Variants in THSD7B observed in about 807,000 individuals in gnomAD.
The protein encoded by THSD7B is thrombospondin type 1 domain containing 7B.
In THSD7B, 138 loss-of-function variants were observed where a neutral mutation model predicts 213.6. The observed-to-expected ratio is 0.65, with a 90% CI of 0.56 to 0.74. The LOEUF (loss-of-function observed/expected upper bound fraction) is 0.74, where lower values mean the gene tolerates loss of function less well. Ranked by LOEUF, THSD7B falls within the 30% of genes least tolerant of loss-of-function variation. THSD7B has a pLI of 0.00. For missense variants in THSD7B, 1,931 were observed against 1,991.5 expected (o/e 0.97, Z 0.58); for synonymous variants, 742 against 687.0 (o/e 1.08, Z -1.25).
intron 3 of THSD7B, among the ~76,000 whole-genome samples, chr2:137,078,213 G>C (rs986987213): frequency 1.3e-5 from 2 of 152,162 alleles, no homozygotes; most frequent in East Asian, 3.9e-4. Flanking sequence ...GTTCCATGCT[G>C]TTTTGCTTAC....
chr2:137,350,431 T>C (rs1299085759), intron 12 of THSD7B, among the ~76,000 whole-genome samples: 1 of 151,788 alleles, frequency 6.6e-6, no homozygotes, highest in Non-Finnish European at 1.5e-5. Flanking sequence ...ATAGAACCGT[T>C]GTGGTTAAAC....
chr2:136,909,394 A>C (rs917414832), intron 2 of THSD7B, among the ~76,000 whole-genome samples: 2 of 151,662 alleles, frequency 1.3e-5, no homozygotes, highest in African/African-American at 2.4e-5. Context: ...CCTTTATCCA[A>C]AGATAAAGTA....
chr2:137,623,177 T>C (rs1682554949), intron 20 of THSD7B, among the ~76,000 whole-genome samples: 1 of 152,138 alleles, frequency 6.6e-6, no homozygotes, highest in African/African-American at 2.4e-5. Flanking sequence ...GTTCAACATA[T>C]GCGAATCAAT....
intron 12 of THSD7B, among the ~76,000 whole-genome samples, chr2:137,386,558 G>T (rs1395521698): frequency 6.6e-6 from 1 of 152,100 alleles, no homozygotes; most frequent in Non-Finnish European, 1.5e-5. Flanking sequence ...TTAACTATTA[G>T]AGTTGAACTC....
intron 7 of THSD7B, among the ~76,000 whole-genome samples, chr2:137,220,786 C>T (rs1681349890): frequency 9.2e-6 from 1 of 108,394 alleles, no homozygotes; most frequent in Admixed American, 8.6e-5. Flanking sequence ...AGTCTTTAAG[C>T]AGGAGAATGA....
At chr2:137,073,759 T>C (rs1185983356) in intron 3 of THSD7B, among the ~76,000 whole-genome samples, 2 of 152,324 alleles carry the variant, frequency 1.3e-5, no homozygotes, top group East Asian at 3.9e-4. Flanking sequence ...GCTTTGAATG[T>C]GTCCCAGAGA....
chr2:137,222,414 A>G (rs181336868), intron 7 of THSD7B, among the ~76,000 whole-genome samples: 46 of 152,322 alleles, frequency 3.0e-4, no homozygotes, highest in Admixed American at 2.9e-3. Flanking sequence ...AACATTTCCT[A>G]CATTACAGAG....
At chr2:137,091,477 G>C (rs1687947256) in intron 3 of THSD7B, among the ~76,000 whole-genome samples, 1 of 149,536 alleles carries the variant, frequency 6.7e-6, no homozygotes, top group Non-Finnish European at 1.5e-5. Context: ...AAACTTGCTG[G>C]GTCAAACAAC....
chr2:136,986,925 GT>G (rs1333404204), intron 2 of THSD7B, among the ~76,000 whole-genome samples: 1 of 152,192 alleles, frequency 6.6e-6, no homozygotes, highest in East Asian at 1.9e-4. Flanking sequence ...TGTCTAGTGA[GT>G]TTCGGGAATA....
Position 137,512,153 on chromosome 2 carries a change from A to T in THSD7B, c.3139-51068A>T, listed in dbSNP as rs1679974180. On this transcript the variant is annotated intron_variant, in intron 15 of 27. Transcript: ENST00000409968. ...CCCATCCAAGTACTAACTAGGCCCA[A>T]CCCTACTTAGCTTCCAAGATTAGAT... is the stretch of plus-strand genomic sequence containing the variant. 2.0e-5 allele frequency: 3 copies of T among 152,064 alleles called. 1 individual carries two copies. The South Asian group carries it at 6.2e-4, about 32-fold the overall frequency. The allele number at this position is 152,064 out of a possible 1,614,324, so 9.4% of individuals were successfully genotyped here.
intron 15 of THSD7B, among the ~76,000 whole-genome samples, chr2:137,503,360 G>T (rs1376761241): frequency 6.6e-6 from 1 of 152,116 alleles, no homozygotes; most frequent in Non-Finnish European, 1.5e-5. Context: ...TGCCGCCACT[G>T]TTGCCCTAGA....
intron 12 of THSD7B, among the ~76,000 whole-genome samples, chr2:137,334,049 A>G (rs1227978940): frequency 2.6e-5 from 4 of 152,206 alleles, no homozygotes; most frequent in Non-Finnish European, 5.9e-5. Context: ...GAAAACAACC[A>G]TAGACAATAT....
At chr2:137,218,496 A>G (rs908116415) in intron 7 of THSD7B, among the ~76,000 whole-genome samples, 1 of 151,836 alleles carries the variant, frequency 6.6e-6, no homozygotes, top group Non-Finnish European at 1.5e-5. Context: ...GAGTGTTGTA[A>G]TAACTGGTAG....
chr2:137,030,492 T>C (rs1686644537), intron 2 of THSD7B, among the ~76,000 whole-genome samples: 1 of 151,940 alleles, frequency 6.6e-6, no homozygotes, highest in South Asian at 2.1e-4. Context: ...ACAGACACTT[T>C]AACGTTGCCA....
At chr2:137,546,784 A>G (rs1680749931) in intron 15 of THSD7B, among the ~76,000 whole-genome samples, 1 of 151,524 alleles carries the variant, frequency 6.6e-6, no homozygotes, top group African/African-American at 2.4e-5. Flanking sequence ...ATTCAGTAAC[A>G]CATTTTGTGG....
intron 2 of THSD7B, among the ~76,000 whole-genome samples, chr2:136,903,355 G>A (rs1205058921): frequency 1.3e-5 from 2 of 152,126 alleles, no homozygotes; most frequent in East Asian, 1.9e-4. Context: ...GAGGTTATAA[G>A]GAGATAACAT....
At chr2:136,898,341 C>A (rs1263010422) in intron 2 of THSD7B, among the ~76,000 whole-genome samples, 7 of 152,086 alleles carry the variant, frequency 4.6e-5, no homozygotes, top group African/African-American at 1.7e-4. Flanking sequence ...GTTTTGACTT[C>A]TAAGACAAAG....
chr2:136,823,165 G>T (rs1054680424), intron 1 of THSD7B, among the ~76,000 whole-genome samples: 1 of 152,070 alleles, frequency 6.6e-6, no homozygotes, highest in Non-Finnish European at 1.5e-5. Flanking sequence ...GGATATCCTT[G>T]TGTAAGGTGA....
intron 7 of THSD7B, among the ~76,000 whole-genome samples, chr2:137,192,004 A>G (rs1389485578): frequency 1.3e-5 from 2 of 152,168 alleles, no homozygotes; most frequent in African/African-American, 4.8e-5. Context: ...TGAATATACC[A>G]ATAACTGAAT....
Sources: gnomAD v4.1 joint callset for allele counts (sites outside exome capture counted in the v4.1 genomes callset) on GRCh38, gnomAD v4.1.1 for gene constraint, MANE v1.5 for transcripts, NCBI Gene and HGNC (gene_info 2026-07-23, HGNC 2026-07-21) for gene names.